The following CFAP144 variants were observed in gnomAD, a reference collection of about 807,000 sequenced individuals.
CFAP144 encodes cilia- and flagella-associated protein 144.
At chr1:43,143,072 A>G in the CFAP144 span, among the ~76,000 whole-genome samples, 1 of 152,166 alleles carries the variant, frequency 6.6e-6, no homozygotes, top group Non-Finnish European at 1.5e-5. Flanking sequence ...TAAGTATAGT[A>G]CACCATAGGT....
At chr1:43,148,157 CG>C in the CFAP144 span, 1 of 1,437,640 alleles carries the variant, frequency 7.0e-7, no homozygotes, top group African/African-American at 1.4e-5. Flanking sequence ...CTCCGGGTTG[CG>C]GGGTGGGAAC....
chr1:43,148,279 C>A, the CFAP144 span, among the ~76,000 whole-genome samples: 1 of 152,008 alleles, frequency 6.6e-6, no homozygotes, highest in South Asian at 2.1e-4. Flanking sequence ...TATTAAAGTT[C>A]ATGCGCAACA....
chr1:43,146,509 T>A, the CFAP144 span, among the ~76,000 whole-genome samples: 32 of 152,214 alleles, frequency 2.1e-4, no homozygotes, highest in Admixed American at 7.2e-4. Flanking sequence ...AGGAAAAGAC[T>A]AATATATTTG....
At chr1:43,144,890 C>T in the CFAP144 span, among the ~76,000 whole-genome samples, 1 of 152,172 alleles carries the variant, frequency 6.6e-6, no homozygotes, top group Non-Finnish European at 1.5e-5. Context: ...GATGGTTTCC[C>T]TCATGCTGGG....
the CFAP144 span, chr1:43,148,019 T>C: frequency 6.2e-7 from 1 of 1,614,032 alleles, no homozygotes; most frequent in South Asian, 1.1e-5. Context: ...TTGCGGGAAC[T>C]GTACCTCAAG....
At chr1:43,153,590 CAG>C in the CFAP144 span, among the ~76,000 whole-genome samples, 2 of 151,656 alleles carry the variant, frequency 1.3e-5, no homozygotes, top group African/African-American at 4.8e-5. Flanking sequence ...GCTTGGGTGA[CAG>C]AGTGAGACTC....
At chr1:43,147,922 A>C in the CFAP144 span, 1 of 1,611,818 alleles carries the variant, frequency 6.2e-7, no homozygotes, top group African/African-American at 1.3e-5. Flanking sequence ...TGGAAGGCCC[A>C]GGCAAGAGGG....
the CFAP144 span, among the ~76,000 whole-genome samples, chr1:43,154,369 CATATATATGT>C: frequency 7.0e-6 from 1 of 143,042 alleles, no homozygotes; most frequent in African/African-American, 2.6e-5. Flanking sequence ...AAAATATGTA[CATATATATGT>C]ACATATACAC....
chr1:43,149,719 A>T, the CFAP144 span, among the ~76,000 whole-genome samples: 1 of 152,236 alleles, frequency 6.6e-6, no homozygotes, highest in African/African-American at 2.4e-5. Context: ...CATTGGAATA[A>T]AGTGAGAAAA....
the CFAP144 span, among the ~76,000 whole-genome samples, chr1:43,145,559 G>T: frequency 0.41 from 61,697 of 152,010 alleles, 13,065 homozygotes; most frequent in African/African-American, 0.51. Flanking sequence ...TCTTGCTCAG[G>T]CAGCACTTCT....
chr1:43,150,121 C>T, the CFAP144 span, among the ~76,000 whole-genome samples: 1 of 152,216 alleles, frequency 6.6e-6, no homozygotes, highest in African/African-American at 2.4e-5. Context: ...TCCACGTAAC[C>T]TGCTTTACTG....
chr1:43,149,722 T>C, the CFAP144 span, among the ~76,000 whole-genome samples: 1 of 152,206 alleles, frequency 6.6e-6, no homozygotes. Flanking sequence ...TGGAATAAAG[T>C]GAGAAAATAT....
the CFAP144 span, among the ~76,000 whole-genome samples, chr1:43,143,995 C>G: frequency 6.6e-6 from 1 of 152,216 alleles, no homozygotes; most frequent in African/African-American, 2.4e-5. Context: ...TCTTTAATCA[C>G]ACATATCTAT....
the CFAP144 span, chr1:43,153,006 G>A: frequency 2.6e-6 from 4 of 1,526,210 alleles, no homozygotes; most frequent in Admixed American, 5.9e-5. Flanking sequence ...GAATAGAGCA[G>A]GGGGCCAGAC....
chr1:43,152,805 A>G, the CFAP144 span: 4 of 1,591,028 alleles, frequency 2.5e-6, no homozygotes, highest in South Asian at 3.4e-5. Context: ...TGACTCCTTC[A>G]TAACTCATAC....
chr1:43,144,920 G>T, the CFAP144 span, among the ~76,000 whole-genome samples: 1 of 152,194 alleles, frequency 6.6e-6, no homozygotes, highest in Non-Finnish European at 1.5e-5. Flanking sequence ...GGGCAGTTCA[G>T]AATTGCCAGG....
At chr1:43,147,912 T>C in the CFAP144 span, 1 of 1,607,460 alleles carries the variant, frequency 6.2e-7, no homozygotes, top group Non-Finnish European at 8.5e-7. Flanking sequence ...CTGGAGACTG[T>C]GGAAGGCCCA....
the CFAP144 span, among the ~76,000 whole-genome samples, chr1:43,146,935 T>C: frequency 6.6e-6 from 1 of 152,192 alleles, no homozygotes; most frequent in Non-Finnish European, 1.5e-5. Flanking sequence ...AACCTCCGCC[T>C]CCCGGGTTCA....
the CFAP144 span, among the ~76,000 whole-genome samples, chr1:43,143,149 T>G: frequency 6.6e-6 from 1 of 152,120 alleles, no homozygotes; most frequent in African/African-American, 2.4e-5. Flanking sequence ...AGATTTTTAG[T>G]AAGAAGAGAG....
Sources: allele counts gnomAD v4.1 joint callset (sites outside exome capture counted in the v4.1 genomes callset), GRCh38; gene constraint gnomAD v4.1.1; transcripts MANE v1.5; gene names NCBI Gene and HGNC (gene_info 2026-07-23, HGNC 2026-07-21).